The following CRYBG1 variants were observed in gnomAD, a reference collection of about 807,000 sequenced individuals.
CRYBG1 encodes crystallin beta-gamma domain containing 1.
CRYBG1 carries 139 observed loss-of-function variants against 189.2 expected under a neutral mutation model. The ratio of observed to expected loss-of-function variants is 0.73; its 90% CI spans 0.64 to 0.85. The LOEUF (loss-of-function observed/expected upper bound fraction) is 0.85. Ranked by LOEUF, CRYBG1 falls within the 40% of genes least tolerant of loss-of-function variation. The pLI is 0.00. For synonymous variants in CRYBG1, 1,023 were observed against 1,017.1 expected, an observed-to-expected ratio of 1.01 and a Z score of -0.11; for missense variants, 2,611 against 2,675.8, an observed-to-expected ratio of 0.98 and a Z score of 0.53.
chr6:106,450,652 G>C (rs1042355396), intron 1 of CRYBG1, among the ~76,000 whole-genome samples: 2 of 152,192 alleles, frequency 1.3e-5, no homozygotes, highest in Non-Finnish European at 1.5e-5. Context: ...AAGAAATCAA[G>C]AGATAGGTAT....
At chr6:106,498,574 G>A (rs1449433214) in intron 2 of CRYBG1, among the ~76,000 whole-genome samples, 1 of 152,100 alleles carries the variant, frequency 6.6e-6, no homozygotes, top group East Asian at 1.9e-4. Context: ...CAGCATAATG[G>A]AATTCAATGT....
At chr6:106,459,296 T>C (rs1771954182) in intron 2 of CRYBG1, among the ~76,000 whole-genome samples, 1 of 152,188 alleles carries the variant, frequency 6.6e-6, no homozygotes, top group South Asian at 2.1e-4. Context: ...CCATTTCCTG[T>C]ATTAACTCAA....
chr6:106,363,717 A>C (rs1340775884), intron 1 of CRYBG1, among the ~76,000 whole-genome samples: 5 of 152,172 alleles, frequency 3.3e-5, no homozygotes, highest in Non-Finnish European at 7.3e-5. Flanking sequence ...GAAAAAAATG[A>C]ATTTATCTAC....
intron 4 of CRYBG1, among the ~76,000 whole-genome samples, chr6:106,523,473 T>A (rs572159460): frequency 6.6e-6 from 1 of 152,272 alleles, no homozygotes; most frequent in African/African-American, 2.4e-5. Flanking sequence ...AGTTTCCCTA[T>A]GAAAATCAAG....
chr6:106,452,208 ACCAGC>A (rs1771795761), intron 2 of CRYBG1, among the ~76,000 whole-genome samples: 1 of 147,666 alleles, frequency 6.8e-6, no homozygotes, highest in Admixed American at 6.8e-5. Flanking sequence ...GGAGTTTGAG[ACCAGC>A]CTGACCAACA....
intron 1 of CRYBG1, among the ~76,000 whole-genome samples, chr6:106,410,087 A>G (rs1477602342): frequency 6.6e-6 from 1 of 152,238 alleles, no homozygotes; most frequent in African/African-American, 2.4e-5. Flanking sequence ...TGAACAGGCA[A>G]CCTACAGAAT....
At chr6:106,486,144 TG>T (rs1348635489) in intron 2 of CRYBG1, among the ~76,000 whole-genome samples, 1 of 152,228 alleles carries the variant, frequency 6.6e-6, no homozygotes, top group Non-Finnish European at 1.5e-5. Flanking sequence ...CCACAGGTTT[TG>T]CTTTGATCTG....
chr6:106,495,944 T>C (rs561562039), intron 2 of CRYBG1, among the ~76,000 whole-genome samples: 1 of 152,328 alleles, frequency 6.6e-6, no homozygotes, highest in Admixed American at 6.5e-5. Flanking sequence ...GGATTGATTT[T>C]TATTTTTCTT....
At chr6:106,366,525 G>T (rs1772003600) in intron 1 of CRYBG1, among the ~76,000 whole-genome samples, 1 of 152,094 alleles carries the variant, frequency 6.6e-6, no homozygotes, top group African/African-American at 2.4e-5. Context: ...CTAGTACCTG[G>T]CAGATAACAG....
intron 2 of CRYBG1, among the ~76,000 whole-genome samples, chr6:106,500,021 T>A (rs12202472): frequency 0.8 from 121,262 of 152,186 alleles, 49,122 homozygotes; most frequent in African/African-American, 0.95. Flanking sequence ...AAGGCTGAAT[T>A]ATAGTCCACT....
At chr6:106,421,742 G>A (rs543611482) in intron 1 of CRYBG1, among the ~76,000 whole-genome samples, 6 of 152,144 alleles carry the variant, frequency 3.9e-5, no homozygotes, top group Non-Finnish European at 8.8e-5. Flanking sequence ...TTGCGCTGCT[G>A]ATAAAGACAT....
intron 1 of CRYBG1, among the ~76,000 whole-genome samples, chr6:106,407,202 T>C (rs2114365178): frequency 1.0e-5 from 1 of 98,092 alleles, no homozygotes; most frequent in Admixed American, 1.1e-4. Context: ...TTACCAAGAA[T>C]ATGGAAAGCA....
chr6:106,393,263 A>G (rs190350724), intron 1 of CRYBG1, among the ~76,000 whole-genome samples: 3 of 152,214 alleles, frequency 2.0e-5, no homozygotes, highest in Admixed American at 6.5e-5. Context: ...GCCCGGTAAC[A>G]TGAATCAATG....
intron 2 of CRYBG1, among the ~76,000 whole-genome samples, chr6:106,504,769 C>G (rs1773093247): frequency 1.3e-5 from 2 of 151,930 alleles, no homozygotes; most frequent in Non-Finnish European, 2.9e-5. Flanking sequence ...ATTTTTAATG[C>G]CTATTCCAAA....
intron 15 of CRYBG1, 44 bp downstream of exon 15, chr6:106,552,260 TCC>T (rs1473004265): frequency 7.6e-7 from 1 of 1,310,450 alleles, no homozygotes; most frequent in Admixed American, 2.5e-5. Context: ...TAAAGGGCCT[TCC>T]ATTGAAAAGC....
intron 1 of CRYBG1, among the ~76,000 whole-genome samples, chr6:106,402,160 A>T (rs1770732474): frequency 8.2e-6 from 1 of 121,228 alleles, no homozygotes; most frequent in African/African-American, 3.3e-5. Flanking sequence ...ACACAAACAA[A>T]TGGAAGAACA....
chr6:106,418,760 G>C (rs1771070055), intron 1 of CRYBG1, among the ~76,000 whole-genome samples: 1 of 152,204 alleles, frequency 6.6e-6, no homozygotes, highest in African/African-American at 2.4e-5. Flanking sequence ...AGGAAATCAA[G>C]GACATGGACA....
At chr6:106,449,551 G>A (rs1771737441) in intron 1 of CRYBG1, 2 of 152,202 alleles carry the variant, frequency 1.3e-5, no homozygotes, top group South Asian at 4.1e-4. Context: ...GCATATTTGT[G>A]AGCAGAAGGA....
intron 2 of CRYBG1, among the ~76,000 whole-genome samples, chr6:106,488,844 G>A (rs947237851): frequency 1.3e-5 from 2 of 152,186 alleles, no homozygotes; most frequent in African/African-American, 2.4e-5. Flanking sequence ...TGTAATGAAA[G>A]CAAGGTGTCA....
Sources: allele counts gnomAD v4.1 joint callset (sites outside exome capture counted in the v4.1 genomes callset), GRCh38; gene constraint gnomAD v4.1.1; transcripts MANE v1.5; gene names NCBI Gene and HGNC (gene_info 2026-07-23, HGNC 2026-07-21).